Variants in SLC5A4 observed in about 807,000 individuals in gnomAD.
The protein encoded by SLC5A4 is solute carrier family 5 member 4, also known as probable glucose sensor protein SLC5A4.
A neutral mutation model predicts 70.3 loss-of-function variants in SLC5A4; 55 were observed. The ratio of observed to expected loss-of-function variants is 0.78; its 90% CI spans 0.63 to 0.98. The LOEUF (loss-of-function observed/expected upper bound fraction) is 0.98, where lower values mean the gene tolerates loss of function less well. Among genes scored for constraint, SLC5A4 ranks in the 50% least tolerant of loss-of-function variants. The probability of loss-of-function intolerance (pLI) is 0.00; values close to 1 mark genes in which losing one functional copy is unlikely to be tolerated. For synonymous variants in SLC5A4, 268 were observed against 305.7 expected (o/e 0.88, Z 1.29); for missense variants, 735 against 839.2 (o/e 0.88, Z 1.53).
chr22:32,272,120 G>A, the SLC5A4 span: 1 of 670,134 alleles, frequency 1.5e-6, no homozygotes, highest in East Asian at 2.7e-5. Context: ...CAGTGTCGCT[G>A]CAGCAAGGAG....
At chr22:32,237,405 C>T (rs756203804) in intron 6 of SLC5A4, 81 bp from the exon 7 acceptor site, 7 of 909,302 alleles carry the variant, frequency 7.7e-6, no homozygotes, top group Non-Finnish European at 1.2e-5. Flanking sequence ...TTCTCCTCCA[C>T]CCACAACCCT....
chr22:32,293,628 T>C, the SLC5A4 span, among the ~76,000 whole-genome samples: 1 of 152,116 alleles, frequency 6.6e-6, no homozygotes, highest in African/African-American at 2.4e-5. Context: ...TTAAAACCCA[T>C]GAGACATTAT....
At chr22:32,316,479 G>T in the SLC5A4 span, among the ~76,000 whole-genome samples, 1 of 152,046 alleles carries the variant, frequency 6.6e-6, no homozygotes, top group African/African-American at 2.4e-5. Context: ...TATTCATAGA[G>T]CAAGACTGGA....
intron 5 of SLC5A4, among the ~76,000 whole-genome samples, chr22:32,240,093 T>C (rs1451399583): frequency 6.6e-6 from 1 of 151,518 alleles, no homozygotes; most frequent in African/African-American, 2.4e-5. Flanking sequence ...GTTTCATTTA[T>C]ATTCCAAATA....
At chr22:32,251,262 G>A (rs952896169) in intron 3 of SLC5A4, among the ~76,000 whole-genome samples, 10 of 149,732 alleles carry the variant, frequency 6.7e-5, no homozygotes, top group African/African-American at 2.5e-4. Context: ...TGGTTTCAAC[G>A]TGTACCACCA....
At chr22:32,266,160 T>A in the SLC5A4 span, among the ~76,000 whole-genome samples, 1 of 152,168 alleles carries the variant, frequency 6.6e-6, no homozygotes, top group Non-Finnish European at 1.5e-5. Context: ...TAAACTAGTA[T>A]AATTTATAAT....
chr22:32,226,433 G>A (rs75174975), intron 11 of SLC5A4, among the ~76,000 whole-genome samples: 4 of 152,264 alleles, frequency 2.6e-5, no homozygotes, highest in South Asian at 4.2e-4. Context: ...TAAATGAACC[G>A]ACGCAATTTA....
chr22:32,332,732 A>C, the SLC5A4 span, among the ~76,000 whole-genome samples: 1 of 152,100 alleles, frequency 6.6e-6, no homozygotes, highest in African/African-American at 2.4e-5. Context: ...CTTCTCGGGG[A>C]ACTTAGGGAC....
the SLC5A4 span, chr22:32,269,935 A>G: frequency 5.6e-6 from 3 of 538,468 alleles, no homozygotes; most frequent in Admixed American, 6.7e-5. This position sits in a 1 kb window ranked among gnomAD's most constrained non-coding sequence, Gnocchi z 4.1. Context: ...CAGCATGGTC[A>G]CCATGGAGCC....
At chr22:32,322,813 A>G in the SLC5A4 span, among the ~76,000 whole-genome samples, 1 of 152,178 alleles carries the variant, frequency 6.6e-6, no homozygotes, top group Non-Finnish European at 1.5e-5. Flanking sequence ...TTTGGGTTGC[A>G]TTAATAGAAA....
chr22:32,290,435 T>A, the SLC5A4 span, among the ~76,000 whole-genome samples: 1 of 152,208 alleles, frequency 6.6e-6, no homozygotes. Flanking sequence ...AAAGATTTGG[T>A]TATGGATTCA....
the SLC5A4 span, among the ~76,000 whole-genome samples, chr22:32,323,256 T>TC: frequency 6.6e-6 from 1 of 151,934 alleles, no homozygotes; most frequent in Non-Finnish European, 1.5e-5. Context: ...CCTCACCCCC[T>TC]CCCCTGCATG....
At chr22:32,285,979 G>T in the SLC5A4 span, among the ~76,000 whole-genome samples, 1 of 152,074 alleles carries the variant, frequency 6.6e-6, no homozygotes, top group Non-Finnish European at 1.5e-5. Flanking sequence ...CTCATGATCT[G>T]CCTGCCTCGG....
the SLC5A4 span, chr22:32,270,282 C>A: frequency 1.3e-6 from 1 of 782,384 alleles, no homozygotes; most frequent in Non-Finnish European, 2.3e-6. Flanking sequence ...AGTTTCAGAA[C>A]AACCCTGAGC....
At chr22:32,277,185 G>A in the SLC5A4 span, 3 of 151,856 alleles carry the variant, frequency 2.0e-5, no homozygotes, top group South Asian at 2.1e-4. Context: ...CTTTAAATCT[G>A]TTTATTGCTT....
the SLC5A4 span, among the ~76,000 whole-genome samples, chr22:32,262,561 T>G: frequency 1.3e-5 from 2 of 152,142 alleles, no homozygotes; most frequent in Admixed American, 1.3e-4. Flanking sequence ...TATCGACAAG[T>G]TTTTGATTAT....
intron 5 of SLC5A4, among the ~76,000 whole-genome samples, chr22:32,239,633 TAA>T (rs1569375228): frequency 1.6e-5 from 2 of 127,056 alleles, no homozygotes; most frequent in African/African-American, 5.7e-5. Context: ...AAAATATATA[TAA>T]TATATATATT....
chr22:32,269,276 T>C, the SLC5A4 span: 2 of 253,866 alleles, frequency 7.9e-6, no homozygotes, highest in African/African-American at 4.5e-5. The surrounding 1 kb of genome is among the most constrained non-coding windows in gnomAD (Gnocchi z 4.1). Context: ...GGTGTAGCAC[T>C]GACCTAAAAC....
the SLC5A4 span, among the ~76,000 whole-genome samples, chr22:32,333,785 A>G: frequency 0.2 from 30,508 of 149,762 alleles, 4,258 homozygotes; most frequent in African/African-American, 0.41. Context: ...ATAAACACAC[A>G]CACCATGCCA....
Sources: allele counts gnomAD v4.1 joint callset (sites outside exome capture counted in the v4.1 genomes callset), GRCh38; gene constraint gnomAD v4.1.1; non-coding constraint Gnocchi (gnomAD v3.1); transcripts MANE v1.5; gene names NCBI Gene and HGNC (gene_info 2026-07-23, HGNC 2026-07-21).